Variants in SYT16 observed in about 807,000 individuals in gnomAD.
SYT16 encodes the protein synaptotagmin 16.
A neutral mutation model predicts 61.4 loss-of-function variants in SYT16; 42 were observed. The observed-to-expected ratio is 0.68, with a 90% CI of 0.53 to 0.89. The LOEUF is 0.89. Among genes scored for constraint, SYT16 ranks in the 40% least tolerant of loss-of-function variants. SYT16 has a pLI of 0.00. For missense variants in SYT16, 804 were observed against 807.3 expected (o/e 1.00, Z 0.05); for synonymous variants, 314 against 302.3 (o/e 1.04, Z -0.40).
Position 62,065,556 on chromosome 14 carries a change from A to G in SYT16, c.524-4047A>G, listed in dbSNP as rs8015284. 9.6e-3 allele frequency among the ~76,000 whole-genome samples: 1,464 copies of G among 152,326 alleles called. 11 individuals carry two copies. Among genetic ancestry groups the G allele is most frequent in the African/African-American group, 0.019 (780 of 41,568 alleles). On this transcript the variant is annotated intron_variant, in intron 3 of 7. Transcript: ENST00000683842. ...TAAATTAGTTGCAATTATTAATTTT[A>G]TAGATGGAAAGATATCCATGCATTG... is the stretch of plus-strand genomic sequence containing the variant.
chr14:61,890,415 G>C (rs1377383540), intron 1 of SYT16, among the ~76,000 whole-genome samples: 2 of 151,606 alleles, frequency 1.3e-5, no homozygotes, highest in Non-Finnish European at 2.9e-5. Flanking sequence ...CCCAACCAAA[G>C]TGGAGGGGCT....
In SYT16 at chr14:61,876,844, C is replaced by G. The variant is rs117077369; in HGVS notation, c.-325+64034C>G. ...GAAACAGGGAATTCAATTATTCCAG[C>G]CTGAGCTAGGGTGGGAAATCAAGGC... On this transcript the variant is annotated intron_variant, in intron 1 of 7. Coordinates refer to ENST00000683842, the MANE Select transcript of SYT16 (RefSeq NM_001367656.1). 1.2e-3 allele frequency among the ~76,000 whole-genome samples: 183 copies of G among 152,272 alleles called. 6 individuals carry two copies. The East Asian group carries it at 0.033, about 28-fold the overall frequency.
chr14:62,057,409 C>G (rs1191978344), intron 3 of SYT16, among the ~76,000 whole-genome samples: 1 of 152,006 alleles, frequency 6.6e-6, no homozygotes, highest in Non-Finnish European at 1.5e-5. Flanking sequence ...GCTGTTGGGA[C>G]AGGGAAGAGG....
At chr14:61,840,572 C>T (rs548087882) in intron 1 of SYT16, among the ~76,000 whole-genome samples, 2 of 152,120 alleles carry the variant, frequency 1.3e-5, no homozygotes, top group African/African-American at 4.8e-5. Flanking sequence ...CTTTTCTTTT[C>T]TTTCTTTCCT....
At chr14:62,044,726 A>G (rs1393453756) in intron 3 of SYT16, among the ~76,000 whole-genome samples, 1 of 152,172 alleles carries the variant, frequency 6.6e-6, no homozygotes, top group East Asian at 1.9e-4. Flanking sequence ...ATTGGTTCCA[A>G]GTCTTTGTGG....
chr14:61,817,012 C>CAAAAAAA (rs1463280301), intron 1 of SYT16, among the ~76,000 whole-genome samples: 2 of 124,010 alleles, frequency 1.6e-5, no homozygotes. Context: ...CTCCGTCACA[C>CAAAAAAA]ACACACACAC....
intron 1 of SYT16, among the ~76,000 whole-genome samples, chr14:61,901,150 C>G (rs886498360): frequency 2.6e-5 from 4 of 152,194 alleles, no homozygotes; most frequent in African/African-American, 9.7e-5. Flanking sequence ...ACTGGTGTGT[C>G]TTTGCACTAT....
chr14:61,976,095 G>T (rs1301847440), intron 2 of SYT16, among the ~76,000 whole-genome samples: 1 of 152,232 alleles, frequency 6.6e-6, no homozygotes, highest in Admixed American at 6.5e-5. Context: ...CCAAAATCCA[G>T]TGGGGCAGTC....
At chr14:61,901,762 A>ATTATT (rs2048525818) in intron 1 of SYT16, among the ~76,000 whole-genome samples, 19 of 138,850 alleles carry the variant, frequency 1.4e-4, no homozygotes, top group Non-Finnish European at 1.8e-4. Context: ...TAATAATAAT[A>ATTATT]ATTATTATTA....
rs143828663 is a variant in SYT16 at position 61,946,651 on chromosome 14, C to T, written c.-324-23481C>T. Among the ~76,000 whole-genome samples the T allele has an allele frequency of 1.6e-3, 246 of 152,248 alleles. 1 individual carries two copies. The highest frequency in any genetic ancestry group is 5.6e-3 in the African/African-American group (231 of 41,542). Reference sequence around the variant, plus strand: ...AGAGCTGATGGAAATGGCAATTTTGCATTGGAAAGTTAGAGAAATGGGCAC... The same window carrying T: ...AGAGCTGATGGAAATGGCAATTTTGTATTGGAAAGTTAGAGAAATGGGCAC... On this transcript the variant is annotated intron_variant, in intron 1 of 7. Coordinates refer to ENST00000683842, the MANE Select transcript of SYT16 (RefSeq NM_001367656.1).
Position 62,069,641 on chromosome 14 carries a change from T to C in SYT16, c.562T>C (p.Ser188Pro). Residue 188 changes from serine (S) to proline (P), a missense_variant, in exon 4 of 8, where the codon TCT becomes CCT. Transcript: ENST00000683842. Reference protein sequence around the residue: ...FGDDEELSTSSDSDEEVIKQF... With the variant: ...FGDDEELSTSPDSDEEVIKQF... ...GGATGACGAAGAGCTGTCCACATCT[T>C]CTGACAGTGACGAGGAGGTGATCAA... 6.2e-7 allele frequency: 1 copy of C among 1,613,972 alleles called. No homozygotes were observed.
intron 3 of SYT16, among the ~76,000 whole-genome samples, chr14:62,048,787 T>C (rs373266446): frequency 1.3e-5 from 2 of 152,202 alleles, no homozygotes; most frequent in Non-Finnish European, 2.9e-5. Context: ...TTGAGGGGTT[T>C]TGAGTGAGTT....
chr14:61,983,132 C>T (rs1040484131), intron 2 of SYT16, among the ~76,000 whole-genome samples: 11 of 152,218 alleles, frequency 7.2e-5, no homozygotes, highest in Middle Eastern at 3.4e-3. Context: ...TGGGTGTCTA[C>T]GAGTTTATAT....
chr14:61,849,830 A>C (rs1376807225), intron 1 of SYT16, among the ~76,000 whole-genome samples: 1 of 152,030 alleles, frequency 6.6e-6, no homozygotes, highest in Non-Finnish European at 1.5e-5. Context: ...TTTTGTGTGG[A>C]TAGTTGTTCC....
intron 1 of SYT16, among the ~76,000 whole-genome samples, chr14:61,840,003 A>T (rs1436164046): frequency 1.3e-5 from 2 of 152,114 alleles, no homozygotes; most frequent in African/African-American, 2.4e-5. Context: ...AGCAAGAGGT[A>T]TTCAGGGGCT....
intron 5 of SYT16, 100 bp from the exon 6 acceptor site, chr14:62,080,734 A>C: frequency 8.4e-7 from 1 of 1,190,124 alleles, no homozygotes; most frequent in South Asian, 1.5e-5. Context: ...TGGCAGTTAG[A>C]AAGCAGGGAT....
rs908930159 is a variant in SYT16, at chr14:62,105,010, A to G, written c.*4303A>G. On this transcript the variant is annotated 3_prime_UTR_variant, in exon 8 of 8. Coordinates refer to ENST00000683842, the MANE Select transcript of SYT16 (RefSeq NM_001367656.1). ...TAACACTAGAGAAAAACAAAAACCA[A>G]CGTTCAGATACTGTAACAAGGATAG... 6.6e-6 allele frequency: 1 copy of G among 152,192 alleles called. No homozygotes were observed. The highest frequency in any genetic ancestry group is 2.4e-5 in the African/African-American group (1 of 41,440). 9.4% of individuals were successfully genotyped at this position (152,192 alleles called of 1,614,324 possible).
In SYT16 at chr14:62,102,192, C is replaced by T. The variant is rs1379800072; in HGVS notation, c.*1485C>T. 6.6e-6 allele frequency: 1 copy of T among 152,184 alleles called. No homozygotes were observed. The highest frequency in any genetic ancestry group is 1.5e-5 in the Non-Finnish European group (1 of 68,034). 9.4% of individuals were successfully genotyped at this position (152,184 alleles called of 1,614,324 possible). A position where few individuals can be genotyped will look rare whatever the true frequency, so the allele number is the denominator to read the frequency against. On this transcript the variant is annotated 3_prime_UTR_variant, in exon 8 of 8. Coordinates refer to ENST00000683842, the MANE Select transcript of SYT16 (RefSeq NM_001367656.1). ...CAGTTAAAAACACATAACTCCTCCT[C>T]AGCTCCACGTTTTGACAGATTGTAA...
chr14:62,078,155 C>CTCTCTATA (rs766089633), intron 5 of SYT16, among the ~76,000 whole-genome samples: 2,165 of 135,890 alleles, frequency 0.016, 15 homozygotes, highest in East Asian at 0.021. Context: ...CTCTCTCTCT[C>CTCTCTATA]TATATATATA....
Sources: allele counts gnomAD v4.1 joint callset (sites outside exome capture counted in the v4.1 genomes callset), GRCh38; gene constraint gnomAD v4.1.1; transcripts MANE v1.5; gene names NCBI Gene and HGNC (gene_info 2026-07-23, HGNC 2026-07-21).